The following GMDS variants were observed in gnomAD, a reference collection of about 807,000 sequenced individuals.
The protein encoded by GMDS is GDP-mannose 4,6-dehydratase, also known as GDP-mannose 4,6 dehydratase.
GMDS carries 20 observed loss-of-function variants against 49.9 expected under a neutral mutation model. The ratio of observed to expected loss-of-function variants is 0.40; its 90% confidence interval spans 0.28 to 0.58. The LOEUF (loss-of-function observed/expected upper bound fraction) is 0.58. Ranked by LOEUF, GMDS falls within the 20% of genes least tolerant of loss-of-function variation. The pLI is 0.42. For missense variants in GMDS, 362 were observed against 481.4 expected (o/e 0.75, Z 2.32); for synonymous variants, 177 against 178.6 (o/e 0.99, Z 0.07).
rs77358430 is a variant in GMDS, at chr6:2,033,148, T to C, written c.346-72182A>G. ...TTTAAATTGATACTTCCTTCATTTATAGTTTGAGCCAAACCATATGACCAA... is the reference window on the plus strand; with the variant it reads ...TTTAAATTGATACTTCCTTCATTTACAGTTTGAGCCAAACCATATGACCAA... On this transcript the variant is annotated intron_variant, in intron 4 of 10. Transcript: ENST00000380815. Among the ~76,000 whole-genome samples the C allele has an allele frequency of 5.0e-4, 76 of 152,310 alleles. No individual in the cohort carries two copies. The East Asian group carries it at 0.013, about 27-fold the overall frequency.
chr6:2,037,704 A>G (rs569119788), intron 4 of GMDS, among the ~76,000 whole-genome samples: 310 of 152,270 alleles, frequency 2.0e-3, no homozygotes, highest in African/African-American at 7.4e-3. Context: ...GTGAATAGAA[A>G]GAAGTGGTTG....
At chr6:1,914,543 C>G (rs1177911505) in intron 7 of GMDS, among the ~76,000 whole-genome samples, 2 of 151,950 alleles carry the variant, frequency 1.3e-5, no homozygotes, top group Admixed American at 1.3e-4. Context: ...ACTCTGGCTT[C>G]TTGCACATCT....
intron 7 of GMDS, among the ~76,000 whole-genome samples, chr6:1,917,307 G>A (rs1203854572): frequency 2.6e-5 from 4 of 152,196 alleles, no homozygotes; most frequent in African/African-American, 9.7e-5. Flanking sequence ...TCACTGCACT[G>A]AGGAGTTGGC....
rs191757627 is a variant in GMDS at position 1,964,997 on chromosome 6, G to A, written c.346-4031C>T. ...TCATCCATGTCCCTACAAAGGACAT[G>A]AACTCATCATTTTTTATGGCTGCAT... On this transcript the variant is annotated intron_variant, in intron 4 of 10. Coordinates refer to ENST00000380815, the MANE Select transcript of GMDS (RefSeq NM_001500.4). Among the ~76,000 whole-genome samples the A allele has an allele frequency of 3.3e-3, 497 of 151,874 alleles. 3 individuals carry two copies. Among genetic ancestry groups the A allele is most frequent in the African/African-American group, 0.012 (481 of 41,366 alleles).
chr6:1,651,818 C>T (rs768978159), intron 9 of GMDS, among the ~76,000 whole-genome samples: 15 of 152,156 alleles, frequency 9.9e-5, no homozygotes, highest in Non-Finnish European at 1.6e-4. Context: ...ACCTGGCACT[C>T]GATAAACAAC....
At chr6:1,988,765 A>C (rs757905935) in intron 4 of GMDS, among the ~76,000 whole-genome samples, 4 of 152,220 alleles carry the variant, frequency 2.6e-5, no homozygotes, top group Admixed American at 1.3e-4. Context: ...AATATTTTAA[A>C]ATGAGAAGTG....
chr6:1,704,094 C>T (rs994693096), intron 9 of GMDS, among the ~76,000 whole-genome samples: 1 of 152,110 alleles, frequency 6.6e-6, no homozygotes, highest in Admixed American at 6.6e-5. Flanking sequence ...CAAGACAAGA[C>T]CTCGTTCTTG....
At chr6:2,238,050 TG>T (rs1170530486) in intron 1 of GMDS, among the ~76,000 whole-genome samples, 1 of 151,960 alleles carries the variant, frequency 6.6e-6, no homozygotes, top group East Asian at 1.9e-4. Context: ...CTTTAGGACT[TG>T]CCCACTCTAC....
chr6:1,643,490 G>A (rs1424354003), intron 9 of GMDS, among the ~76,000 whole-genome samples: 5 of 152,260 alleles, frequency 3.3e-5, no homozygotes, highest in East Asian at 3.9e-4. Context: ...GAGAGCCTTC[G>A]AGAGTCCTTT....
chr6:2,128,817 G>C (rs1032014016), intron 1 of GMDS, among the ~76,000 whole-genome samples: 3 of 152,212 alleles, frequency 2.0e-5, no homozygotes, highest in East Asian at 1.9e-4. Flanking sequence ...TGTAATTTTA[G>C]AACACTCCAG....
chr6:1,958,115 G>GT (rs35647807), intron 6 of GMDS, among the ~76,000 whole-genome samples: 282 of 129,390 alleles, frequency 2.2e-3, no homozygotes, highest in Middle Eastern at 4.0e-3. Flanking sequence ...CTTAAAATAT[G>GT]TTTTTTTTTT....
intron 1 of GMDS, among the ~76,000 whole-genome samples, chr6:2,201,377 C>G (rs1218843098): frequency 1.6e-4 from 13 of 82,390 alleles, no homozygotes; most frequent in Non-Finnish European, 1.9e-4. Flanking sequence ...GCACCACATG[C>G]ACATCTGAGA....
intron 7 of GMDS, among the ~76,000 whole-genome samples, chr6:1,787,908 C>T (rs1027946329): frequency 3.9e-5 from 6 of 152,108 alleles, no homozygotes; most frequent in Non-Finnish European, 7.4e-5. Flanking sequence ...TGTGGACCTC[C>T]GCCTGGTGCT....
intron 1 of GMDS, among the ~76,000 whole-genome samples, chr6:2,130,781 A>T (rs984158753): frequency 1.3e-5 from 2 of 152,092 alleles, no homozygotes; most frequent in Non-Finnish European, 2.9e-5. Flanking sequence ...CATATAAAAA[A>T]TATCAAACAG....
At chr6:1,934,690 A>G (rs566080514) in intron 6 of GMDS, among the ~76,000 whole-genome samples, 55 of 152,326 alleles carry the variant, frequency 3.6e-4, no homozygotes, top group African/African-American at 1.3e-3. Context: ...ATTAATTTTA[A>G]ACATTTTTGT....
At chr6:1,889,548 G>A (rs1484599950) in intron 7 of GMDS, among the ~76,000 whole-genome samples, 1 of 152,066 alleles carries the variant, frequency 6.6e-6, no homozygotes, top group Non-Finnish European at 1.5e-5. Context: ...CTCTGGCACA[G>A]ACCTCTCTCC....
chr6:2,022,767 A>G (rs2127407329), intron 4 of GMDS, among the ~76,000 whole-genome samples: 1 of 152,300 alleles, frequency 6.6e-6, no homozygotes, highest in East Asian at 1.9e-4. Context: ...CAGAGATTTT[A>G]CTTTATATGT....
chr6:1,891,502 A>T (rs963132102), intron 7 of GMDS, among the ~76,000 whole-genome samples: 2 of 152,248 alleles, frequency 1.3e-5, no homozygotes, highest in African/African-American at 4.8e-5. Flanking sequence ...GTCCTGGAGG[A>T]TTCAAAAATT....
intron 9 of GMDS, among the ~76,000 whole-genome samples, chr6:1,713,987 C>T (rs1766077087): frequency 6.6e-6 from 1 of 152,180 alleles, no homozygotes; most frequent in South Asian, 2.1e-4. Flanking sequence ...ACACTGTACA[C>T]CTTATTAGGA....
Sources: allele counts gnomAD v4.1 joint callset (sites outside exome capture counted in the v4.1 genomes callset), GRCh38; gene constraint gnomAD v4.1.1; transcripts MANE v1.5; gene names NCBI Gene and HGNC (gene_info 2026-07-23, HGNC 2026-07-21).